Variants in DDX1 observed in about 807,000 individuals in gnomAD.
DDX1 encodes the protein DEAD-box helicase 1.
DDX1 carries 28 observed loss-of-function variants against 108.7 expected under a neutral mutation model. That is an observed-to-expected ratio of 0.26 (90% CI 0.19 to 0.35). The LOEUF is 0.35. Ranked by LOEUF, DDX1 falls within the 10% of genes least tolerant of loss-of-function variation. DDX1 has a pLI of 1.00. For missense variants in DDX1, 710 were observed against 884.5 expected, an observed-to-expected ratio of 0.80 and a Z score of 2.50; for synonymous variants, 295 against 288.9, an observed-to-expected ratio of 1.02 and a Z score of -0.21.
intron 14 of DDX1, among the ~76,000 whole-genome samples, chr2:15,615,831 T>C (rs1665884281): frequency 6.6e-6 from 1 of 152,208 alleles, no homozygotes; most frequent in Non-Finnish European, 1.5e-5. Context: ...AATGATCTTA[T>C]GTAATACCTT....
At chr2:15,621,415 T>C (rs1407509656) in intron 18 of DDX1, 7 of 258,030 alleles carry the variant, frequency 2.7e-5, no homozygotes, top group Non-Finnish European at 5.1e-5. Flanking sequence ...CAAGCAGTTC[T>C]CTTCTTGCCT....
intron 15 of DDX1, 53 bp from the exon 16 acceptor site, chr2:15,618,128 C>T (rs768589974): frequency 1.8e-5 from 20 of 1,100,368 alleles, no homozygotes; most frequent in East Asian, 1.2e-4. Context: ...TTAAAACTTA[C>T]GTTTTTTTCC....
Position 15,605,935 on chromosome 2 carries a change from C to T in DDX1, c.626-15C>T, listed in dbSNP as rs1471682166. The T allele has an allele frequency of 7.2e-6, 11 of 1,526,746 alleles. No homozygotes were observed. In the South Asian group the frequency reaches 1.3e-4, roughly 18 times the overall value. The allele number at this position is 1,526,746 out of a possible 1,614,324, so 94.6% of individuals were successfully genotyped here. A position where few individuals can be genotyped will look rare whatever the true frequency, so the allele number is the denominator to read the frequency against. On this transcript the variant is annotated splice_polypyrimidine_tract_variant and intron_variant, in intron 10 of 25. Transcript: ENST00000233084. ...TCTGATTGTTTTAATCTCTCTCTCT[C>T]TCTTGTTTTTTAAGGAAAAGATCTT...
intron 1 of DDX1, among the ~76,000 whole-genome samples, chr2:15,593,510 C>G (rs1665451495): frequency 6.6e-6 from 1 of 152,170 alleles, no homozygotes; most frequent in Non-Finnish European, 1.5e-5. Context: ...TCAAAGAAAA[C>G]TTGCAGGGAA....
chr2:15,628,676 G>A lies in DDX1; in HGVS notation c.1798G>A (p.Val600Ile), dbSNP rs753361392. 59 of 1,613,080 alleles carry A rather than the reference G, an allele frequency of 3.7e-5. 1 individual carries two copies. The East Asian group carries it at 8.9e-4, about 24-fold the overall frequency. Residue 600 changes from valine to isoleucine, a missense_variant, in exon 22 of 26, where the codon GTA (valine) becomes ATA (isoleucine). Val to Ile is a conservative substitution (Grantham distance 29). Coordinates refer to ENST00000233084, the MANE Select transcript of DDX1 (RefSeq NM_004939.3). ...VTLPDEKQNYVHRIGRVGRAE... is the reference protein window; with the variant it reads ...VTLPDEKQNYIHRIGRVGRAE... ...TCTGCCCGATGAAAAGCAAAACTAC[G>A]TACATCGAATTGGCAGAGTAGGAAG...
intron 14 of DDX1, among the ~76,000 whole-genome samples, chr2:15,613,981 C>T (rs991833321): frequency 1.3e-5 from 2 of 151,950 alleles, no homozygotes; most frequent in African/African-American, 4.8e-5. Flanking sequence ...GGATTACAGG[C>T]ACCCGCCACC....
At chr2:15,629,834 G>A in intron 24 of DDX1, 137 bp downstream of exon 24, 3 of 995,800 alleles carry the variant, frequency 3.0e-6, no homozygotes, top group Non-Finnish European at 4.4e-6. Context: ...AATGTTATCT[G>A]CACTTTGCTA....
chr2:15,600,740 CTTTTTTTTTTT>C (rs1157559293), intron 6 of DDX1, among the ~76,000 whole-genome samples: 2 of 73,536 alleles, frequency 2.7e-5, no homozygotes, highest in Non-Finnish European at 4.7e-5. Flanking sequence ...TTTGCATTTT[CTTTTTTTTTTT>C]TTTTTTTTTT....
At position 15,602,557 on chromosome 2, in the gene DDX1, C is replaced by T. The variant is rs1665603787; in HGVS notation, c.317C>T (p.Ser106Leu). ...YDRGSAFAIGSDGLCCQSREV... is the reference protein window; with the variant it reads ...YDRGSAFAIGLDGLCCQSREV... Reference sequence around the variant, plus strand: ...TTCTTCTCAAATCCAGCAATTGGGTCAGATGGTCTTTGTTGTCAAAGCAGA... The same window carrying T: ...TTCTTCTCAAATCCAGCAATTGGGTTAGATGGTCTTTGTTGTCAAAGCAGA... Residue 106 changes from serine to leucine, a missense_variant, in exon 7 of 26, where the codon TCA becomes TTA. Around this residue, in one of 3 missense-constraint regions of DDX1, gnomAD observed 661 missense variants for 810.2 expected, o/e 0.82. Coordinates refer to ENST00000233084, the MANE Select transcript of DDX1 (RefSeq NM_004939.3). 4.3e-6 allele frequency: 7 copies of T among 1,613,162 alleles called. No individual in the cohort carries two copies. Among genetic ancestry groups the T allele is most frequent in the South Asian group, 2.2e-5 (2 of 91,022 alleles).
intron 14 of DDX1, among the ~76,000 whole-genome samples, chr2:15,616,368 T>C (rs1665893524): frequency 6.6e-6 from 1 of 152,210 alleles, no homozygotes; most frequent in East Asian, 1.9e-4. Flanking sequence ...AGAGGGCTTA[T>C]ATCAAATATT....
rs1475167078 is a variant in DDX1 at position 15,603,701 on chromosome 2, T to C, written c.476-113T>C. On this transcript the variant is annotated intron_variant, in intron 8 of 25. Transcript: ENST00000233084. ...AGGATTCAGAAACTTAGGGAATAGT[T>C]TTCCTGTGGGTTTATGAAATGGACA... 6 of 724,068 alleles carry C rather than the reference T, an allele frequency of 8.3e-6. No homozygotes were observed. In the African/African-American group the frequency reaches 9.0e-5, roughly 11 times the overall value. 44.9% of individuals were successfully genotyped at this position (724,068 alleles called of 1,614,324 possible).
chr2:15,600,717 A>C (rs1461080245), intron 6 of DDX1, among the ~76,000 whole-genome samples: 1 of 135,502 alleles, frequency 7.4e-6, no homozygotes. Context: ...AGGACTGTAT[A>C]CTTTTTTTCT....
intron 9 of DDX1, 92 bp downstream of exon 9, chr2:15,603,982 C>G: frequency 1.3e-6 from 1 of 795,796 alleles, no homozygotes; most frequent in Non-Finnish European, 2.0e-6. Flanking sequence ...ACAAATGATT[C>G]TCAAAATGAG....
intron 5 of DDX1, among the ~76,000 whole-genome samples, chr2:15,598,337 T>G (rs958983255): frequency 9.8e-5 from 15 of 152,296 alleles, no homozygotes; most frequent in African/African-American, 3.6e-4. Context: ...TGGCCTATTC[T>G]AAAATAGTTT....
chr2:15,609,147 A>G (rs1173151438), intron 13 of DDX1, among the ~76,000 whole-genome samples: 1 of 152,258 alleles, frequency 6.6e-6, no homozygotes, highest in Non-Finnish European at 1.5e-5. Context: ...TTAGTGTAAG[A>G]AACTCAGGGA....
intron 1 of DDX1, 66 bp from the exon 2 acceptor site, chr2:15,595,079 A>G (rs1665477324): frequency 7.8e-7 from 1 of 1,275,632 alleles, no homozygotes. Flanking sequence ...ATGAATAGTA[A>G]TTTTGAGAGC....
chr2:15,626,806 C>G (rs1178672476), intron 19 of DDX1, among the ~76,000 whole-genome samples: 3 of 152,112 alleles, frequency 2.0e-5, no homozygotes, highest in African/African-American at 7.2e-5. Flanking sequence ...TGATCCACTC[C>G]TCCTACAGAT....
intron 14 of DDX1, among the ~76,000 whole-genome samples, chr2:15,614,875 C>T (rs1181881954): frequency 6.6e-6 from 1 of 152,172 alleles, no homozygotes; most frequent in African/African-American, 2.4e-5. Flanking sequence ...TTCCTCAAAC[C>T]CATTTTTCCC....
At chr2:15,613,388 G>C in intron 14 of DDX1, 104 bp downstream of exon 14, 1 of 721,702 alleles carries the variant, frequency 1.4e-6, no homozygotes, top group South Asian at 2.0e-5. Flanking sequence ...TGAAATTAGA[G>C]CAAGGTCAGA....
Sources: allele counts gnomAD v4.1 joint callset (sites outside exome capture counted in the v4.1 genomes callset), GRCh38; gene constraint gnomAD v4.1.1; regional missense constraint gnomAD v4.1.1; transcripts MANE v1.5; gene names NCBI Gene and HGNC (gene_info 2026-07-23, HGNC 2026-07-21).